ERGIC2: variants seen among roughly 807,000 people sequenced by gnomAD.
ERGIC2 encodes the protein ERGIC and golgi 2.
Under a neutral mutation model 52.5 loss-of-function variants are expected in ERGIC2, and 31 were observed. The observed-to-expected ratio is 0.59, with a 90% confidence interval of 0.44 to 0.80. ERGIC2 has a LOEUF of 0.80. Ranked by LOEUF, ERGIC2 falls within the 30% of genes least tolerant of loss-of-function variation. The pLI is 0.00. For synonymous variants in ERGIC2, 129 were observed against 140.6 expected, an observed-to-expected ratio of 0.92 and a Z score of 0.58; for missense variants, 395 against 455.2, an observed-to-expected ratio of 0.87 and a Z score of 1.20.
chr12:29,346,246 T>C (rs557043892), intron 10 of ERGIC2, among the ~76,000 whole-genome samples: 2 of 151,082 alleles, frequency 1.3e-5, no homozygotes, highest in African/African-American at 4.9e-5. Flanking sequence ...TGGAGTGCAG[T>C]GGCGCAATCA....
At chr12:29,356,643 T>A (rs1411528123) in intron 7 of ERGIC2, among the ~76,000 whole-genome samples, 166 bp from the exon 8 acceptor site, 1 of 152,190 alleles carries the variant, frequency 6.6e-6, no homozygotes, top group Non-Finnish European at 1.5e-5. Context: ...ATAAAAATTA[T>A]ACATCTATAA....
intron 6 of ERGIC2, among the ~76,000 whole-genome samples, chr12:29,358,866 C>T (rs891179582): frequency 2.0e-5 from 3 of 151,776 alleles, no homozygotes; most frequent in Non-Finnish European, 4.4e-5. Flanking sequence ...GTATAACAGG[C>T]CTATGTAAAA....
In ERGIC2 at chr12:29,343,112, T is replaced by C; in HGVS notation, c.988+8A>G. 1 of 1,581,492 alleles carries C rather than the reference T, an allele frequency of 6.3e-7. No homozygotes were observed. Among genetic ancestry groups the C allele is most frequent in the Non-Finnish European group, 8.6e-7 (1 of 1,162,314 alleles). On this transcript the variant is annotated splice_region_variant and intron_variant, in intron 12 of 13. Transcript: ENST00000360150. ...CAGAAATTAGACAAAAAGGAAATGGTTGTTAACCTGTTGTTGAAAAGATTC... is the reference window on the plus strand; with the variant it reads ...CAGAAATTAGACAAAAAGGAAATGGCTGTTAACCTGTTGTTGAAAAGATTC...
chr12:29,370,087 T>C (rs774011928), intron 3 of ERGIC2, 27 bp downstream of exon 3: 31 of 1,480,612 alleles, frequency 2.1e-5, no homozygotes, highest in Non-Finnish European at 2.6e-5. Context: ...AATCTAAAGG[T>C]ATTCCAAGAA....
rs185955950 is a variant in ERGIC2 at position 29,340,898 on chromosome 12, G to A, written c.*258C>T. The A allele has an allele frequency of 7.9e-6, 4 of 506,580 alleles. No homozygotes were observed. The Admixed American group carries it at 1.0e-4, about 13-fold the overall frequency. The allele number at this position is 506,580 out of a possible 1,614,324, so 31.4% of individuals were successfully genotyped here. On this transcript the variant is annotated 3_prime_UTR_variant, in exon 14 of 14. Coordinates refer to ENST00000360150, the MANE Select transcript of ERGIC2 (RefSeq NM_016570.3). ...CCCATTTGCTATGAAAATATAAGAA[G>A]GCGTCATCTTCAAAGCAACACTCCA...
chr12:29,345,409 C>T lies in ERGIC2; in HGVS notation c.825+34G>A, dbSNP rs761273519. On this transcript the variant is annotated intron_variant, in intron 11 of 13. Transcript: ENST00000360150. Reference sequence around the variant, plus strand: ...CTTTAAAATGCTTTTTTAAAAAAATCACCAAATTATTTTACCGGTTGGATT... The same window carrying T: ...CTTTAAAATGCTTTTTTAAAAAAATTACCAAATTATTTTACCGGTTGGATT... The T allele has an allele frequency of 9.9e-6, 12 of 1,217,074 alleles. No homozygotes were observed. The Admixed American group carries it at 2.4e-4, about 25-fold the overall frequency. The allele number at this position is 1,217,074 out of a possible 1,614,324, so 75.4% of individuals were successfully genotyped here. A position where few individuals can be genotyped will look rare whatever the true frequency, so the allele number is the denominator to read the frequency against.
chr12:29,362,734 A>G (rs777956623), intron 5 of ERGIC2, among the ~76,000 whole-genome samples: 1 of 152,318 alleles, frequency 6.6e-6, no homozygotes, highest in South Asian at 2.1e-4. Flanking sequence ...TTATATAACT[A>G]TATGCTTCAA....
At chr12:29,341,891 T>C in intron 12 of ERGIC2, 75 bp from the exon 13 acceptor site, 1 of 715,144 alleles carries the variant, frequency 1.4e-6, no homozygotes, top group Admixed American at 2.1e-5. Context: ...TATAATGGAA[T>C]AGATTACGGA....
At position 29,371,608 on chromosome 12, in the gene ERGIC2, G is replaced by GT; in HGVS notation, c.25dup (p.Thr9AsnfsTer16). ...ATCCAACTCTTTTACCAAACTTAAA[G>GT]TTTTTTTCCGATTCAGTCGCCTCAT... On this transcript the variant is annotated frameshift_variant, in exon 2 of 14. Transcript: ENST00000360150. LOFTEE classifies it high-confidence loss of function. The GT allele has an allele frequency of 1.2e-6, 2 of 1,613,338 alleles. No homozygotes were observed. Among genetic ancestry groups the GT allele is most frequent in the Non-Finnish European group, 1.7e-6 (2 of 1,179,644 alleles).
intron 8 of ERGIC2, among the ~76,000 whole-genome samples, chr12:29,355,179 C>A (rs1263861397): frequency 6.6e-6 from 1 of 152,124 alleles, no homozygotes; most frequent in Non-Finnish European, 1.5e-5. Context: ...CACTGACTTG[C>A]AGCGTACATT....
chr12:29,343,304 G>A, intron 11 of ERGIC2, 22 bp from the exon 12 acceptor site: 1 of 1,555,844 alleles, frequency 6.4e-7, no homozygotes, highest in East Asian at 2.3e-5. Flanking sequence ...GCAAAAGGAA[G>A]GGGAGAAATA....
Position 29,338,596 on chromosome 12 carries a change from A to G in ERGIC2, c.*2560T>C. 1 of 152,168 alleles carries G rather than the reference A, an allele frequency of 6.6e-6. No individual in the cohort carries two copies. The highest frequency in any genetic ancestry group is 1.5e-5 in the Non-Finnish European group (1 of 68,092). 9.4% of individuals were successfully genotyped at this position (152,168 alleles called of 1,614,324 possible). ...GAGTTCGAGGATGCAGTGAGTTACA[A>G]TCATGCCACTGCACTTCAGCCTGGG... On this transcript the variant is annotated 3_prime_UTR_variant, in exon 14 of 14. Coordinates refer to ENST00000360150, the MANE Select transcript of ERGIC2 (RefSeq NM_016570.3).
At chr12:29,363,634 A>T (rs1236511466) in intron 5 of ERGIC2, among the ~76,000 whole-genome samples, 1 of 152,066 alleles carries the variant, frequency 6.6e-6, no homozygotes, top group Non-Finnish European at 1.5e-5. Flanking sequence ...TTTACAATGA[A>T]AACAGTCAAC....
chr12:29,357,052 C>T (rs1199224372), intron 7 of ERGIC2, among the ~76,000 whole-genome samples: 2 of 151,884 alleles, frequency 1.3e-5, no homozygotes, highest in Admixed American at 6.6e-5. Flanking sequence ...ACTGTAACCC[C>T]GCCTCCTGGG....
chr12:29,349,864 A>G, intron 9 of ERGIC2, 149 bp downstream of exon 9: 1 of 569,950 alleles, frequency 1.8e-6, no homozygotes. Context: ...ACAAATGCAG[A>G]TTAAAGTAAA....
Position 29,363,996 on chromosome 12 carries a change from T to C in ERGIC2, c.334-2311A>G, listed in dbSNP as rs573479008. Among the ~76,000 whole-genome samples the C allele has an allele frequency of 3.9e-5, 6 of 152,238 alleles. No homozygotes were observed. The South Asian group carries it at 1.2e-3, about 32-fold the overall frequency. The stretch of plus-strand genomic sequence containing the variant: ...ATAAAAATGAGGATGCAACCTTTAT[T>C]ATCATCTTAAATCATTTTAAATTAA... On this transcript the variant is annotated intron_variant, in intron 5 of 13. Transcript: ENST00000360150.
intron 1 of ERGIC2, among the ~76,000 whole-genome samples, chr12:29,375,049 T>C (rs1307096095): frequency 6.6e-6 from 1 of 152,140 alleles, no homozygotes; most frequent in East Asian, 1.9e-4. Context: ...CCAACCATAT[T>C]AAATCACTTT....
At chr12:29,367,296 T>G (rs1940378158) in intron 4 of ERGIC2, among the ~76,000 whole-genome samples, 1 of 151,692 alleles carries the variant, frequency 6.6e-6, no homozygotes, top group Non-Finnish European at 1.5e-5. Flanking sequence ...TCACAAGTAC[T>G]AAGTGGCTGC....
intron 8 of ERGIC2, among the ~76,000 whole-genome samples, chr12:29,350,489 C>G (rs1354347407): frequency 6.6e-6 from 1 of 151,940 alleles, no homozygotes; most frequent in Admixed American, 6.6e-5. Flanking sequence ...GACCATAAAT[C>G]TTTATCTGAT....
Sources: allele counts gnomAD v4.1 joint callset (sites outside exome capture counted in the v4.1 genomes callset), GRCh38; gene constraint gnomAD v4.1.1; transcripts MANE v1.5; gene names NCBI Gene and HGNC (gene_info 2026-07-23, HGNC 2026-07-21).